Variants in SECISBP2L observed in about 807,000 individuals in gnomAD.
SECISBP2L encodes selenocysteine insertion sequence-binding protein 2-like.
SECISBP2L carries 43 observed loss-of-function variants against 114.7 expected under a neutral mutation model. That is an observed-to-expected ratio of 0.38 (90% CI 0.29 to 0.48). The LOEUF is 0.48. Among genes scored for constraint, SECISBP2L ranks in the 20% least tolerant of loss-of-function variants. SECISBP2L has a pLI of 0.98. For missense variants in SECISBP2L, 1,136 were observed against 1,301.1 expected (o/e 0.87, Z 1.95); for synonymous variants, 451 against 439.7 (o/e 1.03, Z -0.32).
intron 14 of SECISBP2L, among the ~76,000 whole-genome samples, chr15:49,002,121 C>T (rs1038092320): frequency 3.9e-5 from 6 of 152,132 alleles, no homozygotes; most frequent in East Asian, 1.9e-4. Flanking sequence ...TCCAGTGTCT[C>T]GTTTCCTGAC....
At chr15:49,041,105 C>A (rs1163216744) in intron 1 of SECISBP2L, among the ~76,000 whole-genome samples, 1 of 152,082 alleles carries the variant, frequency 6.6e-6, no homozygotes, top group East Asian at 1.9e-4. Context: ...GAGTTGTCTT[C>A]ATAAAGGAAA....
intron 1 of SECISBP2L, among the ~76,000 whole-genome samples, chr15:49,044,637 CCTT>C (rs937652782): frequency 2.0e-4 from 30 of 152,196 alleles, no homozygotes; most frequent in African/African-American, 6.7e-4. Context: ...CAACAGAAAA[CCTT>C]CTTCCATGTT....
chr15:49,022,307 A>T (rs1428441701), intron 7 of SECISBP2L, among the ~76,000 whole-genome samples: 2 of 152,150 alleles, frequency 1.3e-5, no homozygotes, highest in African/African-American at 4.8e-5. Flanking sequence ...AGAACACAAA[A>T]AAACGATTCA....
intron 14 of SECISBP2L, among the ~76,000 whole-genome samples, chr15:49,006,393 G>A (rs867275552): frequency 2.0e-5 from 3 of 152,226 alleles, no homozygotes; most frequent in East Asian, 3.9e-4. Context: ...CCAATCTAAC[G>A]TAGGTTTGGT....
rs772299775 is a variant in SECISBP2L at position 48,993,100 on chromosome 15, A to AGAGTGTGTGTGTGTGT, written c.2624-175_2624-174insACACACACACACACTC. Among the ~76,000 whole-genome samples, 5 of 139,220 alleles carry AGAGTGTGTGTGTGTGT rather than the reference A, an allele frequency of 3.6e-5. No homozygotes were observed. The South Asian group carries it at 7.1e-4, about 20-fold the overall frequency. 91.3% of individuals were successfully genotyped at this position (139,220 alleles called of 152,430 possible). ...TAGTACTAGTTTGAGACAGAGAGAGAGTGTGTGTGTGTGTGTGTGTGTGTG... is the reference window on the plus strand; with the variant it reads ...TAGTACTAGTTTGAGACAGAGAGAGAGAGTGTGTGTGTGTGTGTGTGTGTGTGTGTGTGTGTGTGTG... On this transcript the variant is annotated intron_variant, in intron 17 of 17. Coordinates refer to ENST00000559471, the MANE Select transcript of SECISBP2L (RefSeq NM_001193489.2).
At chr15:49,037,271 TCAAAAAAAAAAAAAAAA>T in intron 2 of SECISBP2L, 1 of 62,162 alleles carries the variant, frequency 1.6e-5, no homozygotes, top group African/African-American at 1.4e-4. Flanking sequence ...ATGTTCAATC[TCAAAAAAAAAAAAAAAA>T]AAAAAAAAAA....
intron 14 of SECISBP2L, among the ~76,000 whole-genome samples, chr15:49,004,236 T>C (rs557719761): frequency 1.1e-4 from 17 of 152,348 alleles, no homozygotes; most frequent in South Asian, 6.2e-4. Flanking sequence ...TAGAGCTGTT[T>C]ATAGTATTCT....
intron 7 of SECISBP2L, among the ~76,000 whole-genome samples, chr15:49,022,540 T>G (rs1021246618): frequency 6.6e-6 from 1 of 151,474 alleles, no homozygotes; most frequent in Non-Finnish European, 1.5e-5. Flanking sequence ...AGGAGGAGGT[T>G]GCAGTGAGCT....
At chr15:49,011,507 A>T (rs980281739) in intron 13 of SECISBP2L, 3 of 397,212 alleles carry the variant, frequency 7.6e-6, no homozygotes, top group Non-Finnish European at 8.9e-6. Context: ...TCAGGATTTA[A>T]GCCTCAAAAA....
chr15:48,988,955 C>G lies in SECISBP2L; in HGVS notation c.*3289G>C, dbSNP rs201560434. The G allele has an allele frequency of 1.4e-4, 24 of 168,908 alleles. No individual in the cohort carries two copies. The highest frequency in any genetic ancestry group is 2.4e-4 in the Non-Finnish European group (19 of 78,150). The allele number at this position is 168,908 out of a possible 1,614,324, so 10.5% of individuals were successfully genotyped here. ...GGATTCAGATTTCAGATTAGGCAAA[C>G]AGTTTGGTTGATTCTGTGATGTATG... On this transcript the variant is annotated 3_prime_UTR_variant, in exon 18 of 18. Transcript: ENST00000559471.
chr15:48,997,726 G>C (rs1595781453), intron 16 of SECISBP2L, among the ~76,000 whole-genome samples: 1 of 152,046 alleles, frequency 6.6e-6, no homozygotes, highest in East Asian at 1.9e-4. Context: ...AAAATTAGCT[G>C]GGCGTGGTGG....
rs550141289 is a variant in SECISBP2L at position 49,028,238 on chromosome 15, T to C, written c.895-70A>G. On this transcript the variant is annotated intron_variant, in intron 5 of 17. Transcript: ENST00000559471. ...AACATTATGTACTTTGCTAAATGTT[T>C]TATAATTTATCCTAGTGTGAAGCAT... The C allele has an allele frequency of 7.6e-5, 103 of 1,349,420 alleles. 1 individual carries two copies. In the African/African-American group the frequency reaches 1.0e-3, roughly 13 times the overall value. 83.6% of individuals were successfully genotyped at this position (1,349,420 alleles called of 1,614,324 possible).
chr15:49,028,299 A>G (rs1286293373), intron 5 of SECISBP2L, 131 bp from the exon 6 acceptor site: 3 of 981,226 alleles, frequency 3.1e-6, no homozygotes, highest in African/African-American at 1.7e-5. Flanking sequence ...TTCATAAATG[A>G]ATATTTTTAT....
intron 14 of SECISBP2L, among the ~76,000 whole-genome samples, chr15:49,007,540 C>T (rs188799865): frequency 3.3e-5 from 5 of 152,216 alleles, no homozygotes; most frequent in Non-Finnish European, 5.9e-5. Context: ...GCAGCTTTGC[C>T]GAGCTCAATT....
In SECISBP2L at chr15:49,009,242, G is replaced by C. The variant is rs1453231215; in HGVS notation, c.2001C>G (p.Thr667=). Residue 667 remains threonine, a synonymous_variant, in exon 14 of 18, where the codon ACC becomes ACG. Coordinates refer to ENST00000559471, the MANE Select transcript of SECISBP2L (RefSeq NM_001193489.2). ...IGSPMASSTI[T]KIHSKRFREY... ...CTCTAAATCTTTTGCTGTGGATTTT[G>C]GTTATTGTTGAAGATGCCATTGGAC... 6.2e-7 allele frequency: 1 copy of C among 1,614,052 alleles called. No individual in the cohort carries two copies. Among genetic ancestry groups the C allele is most frequent in the South Asian group, 1.1e-5 (1 of 91,076 alleles).
intron 1 of SECISBP2L, among the ~76,000 whole-genome samples, chr15:49,039,306 G>C (rs1313977177): frequency 2.0e-5 from 3 of 152,026 alleles, no homozygotes; most frequent in African/African-American, 7.3e-5. Context: ...TTTTCACTCT[G>C]TGATATTCAT....
chr15:49,004,834 G>A (rs1902284259), intron 14 of SECISBP2L, among the ~76,000 whole-genome samples: 1 of 152,194 alleles, frequency 6.6e-6, no homozygotes, highest in Admixed American at 6.5e-5. Context: ...ATTTGCTGAG[G>A]AGTGTTTTAC....
intron 7 of SECISBP2L, among the ~76,000 whole-genome samples, chr15:49,023,882 CA>C (rs1902689404): frequency 6.6e-6 from 1 of 152,090 alleles, no homozygotes. Flanking sequence ...AGAAATTACT[CA>C]AAGTGGGAGA....
intron 2 of SECISBP2L, among the ~76,000 whole-genome samples, chr15:49,037,236 A>G (rs547375077): frequency 1.4e-5 from 2 of 142,662 alleles, no homozygotes; most frequent in African/African-American, 5.2e-5. Context: ...TACACCAGAG[A>G]CTATCTTGGC....
Sources: allele counts gnomAD v4.1 joint callset (sites outside exome capture counted in the v4.1 genomes callset), GRCh38; gene constraint gnomAD v4.1.1; transcripts MANE v1.5; gene names NCBI Gene and HGNC (gene_info 2026-07-23, HGNC 2026-07-21).